Variants in TTC23 observed in about 807,000 individuals in gnomAD.
The protein encoded by TTC23 is tetratricopeptide repeat domain 23.
In TTC23, 58 loss-of-function variants were observed where a neutral mutation model predicts 55.1. The observed-to-expected ratio is 1.05, with a 90% confidence interval of 0.85 to 1.31. The LOEUF is 1.31. Ranked by LOEUF, TTC23 falls within the 50% of genes most tolerant of loss-of-function variation. The pLI is 0.00. For missense variants in TTC23, 516 were observed against 534.4 expected (o/e 0.97, Z 0.34); for synonymous variants, 203 against 199.9 (o/e 1.02, Z -0.13).
chr15:99,203,518 AT>A (rs1351568729), intron 8 of TTC23, among the ~76,000 whole-genome samples: 3 of 152,048 alleles, frequency 2.0e-5, no homozygotes, highest in Non-Finnish European at 4.4e-5. Context: ...ATACAAAAAA[AT>A]ATTGTTAACT....
At chr15:99,199,609 G>A (rs1297322038) in intron 9 of TTC23, among the ~76,000 whole-genome samples, 1 of 151,866 alleles carries the variant, frequency 6.6e-6, no homozygotes, top group Non-Finnish European at 1.5e-5. Flanking sequence ...ACTTTAGAAT[G>A]TAGAAAAAAA....
chr15:99,176,836 T>C (rs1420177240), intron 9 of TTC23, among the ~76,000 whole-genome samples: 1 of 152,076 alleles, frequency 6.6e-6, no homozygotes, highest in Admixed American at 6.5e-5. Flanking sequence ...GAGATAAGAG[T>C]CTGACCCTGA....
chr15:99,234,078 A>C (rs1176203628), intron 4 of TTC23, among the ~76,000 whole-genome samples: 1 of 152,212 alleles, frequency 6.6e-6, no homozygotes, highest in African/African-American at 2.4e-5. Flanking sequence ...TAAAACTATA[A>C]AAACAATGTG....
At chr15:99,232,452 C>G (rs1264944349) in intron 4 of TTC23, among the ~76,000 whole-genome samples, 3 of 149,712 alleles carry the variant, frequency 2.0e-5, no homozygotes, top group African/African-American at 7.4e-5. Flanking sequence ...GCACTCCAGC[C>G]TGGGCGACAC....
chr15:99,200,175 A>G (rs2076084410), intron 8 of TTC23, 79 bp from the exon 9 acceptor site: 8 of 1,297,778 alleles, frequency 6.2e-6, no homozygotes, highest in Non-Finnish European at 7.1e-6. Context: ...GGTAGTTGGG[A>G]TGTGACTCTT....
intron 8 of TTC23, among the ~76,000 whole-genome samples, chr15:99,201,985 T>G (rs2076237824): frequency 1.3e-5 from 2 of 152,132 alleles, no homozygotes. Context: ...CAAACTATGG[T>G]GTGGGGGCCA....
At chr15:99,235,602 C>T (rs1261882477) in intron 3 of TTC23, among the ~76,000 whole-genome samples, 4 of 152,226 alleles carry the variant, frequency 2.6e-5, no homozygotes, top group African/African-American at 9.6e-5. Flanking sequence ...AATCTCCTGA[C>T]CTCGTGATCC....
chr15:99,201,806 G>A (rs150374830), intron 8 of TTC23, among the ~76,000 whole-genome samples: 42 of 152,232 alleles, frequency 2.8e-4, no homozygotes, highest in East Asian at 1.7e-3. Flanking sequence ...TTAGAATGTC[G>A]GGAGTAATCC....
intron 3 of TTC23, among the ~76,000 whole-genome samples, chr15:99,237,178 C>T (rs2079394763): frequency 6.6e-6 from 1 of 151,880 alleles, no homozygotes; most frequent in East Asian, 1.9e-4. Context: ...GACGGGGTTT[C>T]ACCATGTTGG....
At chr15:99,250,144 T>C (rs1309723239), upstream of TTC23, among the ~76,000 whole-genome samples, 1 of 152,232 alleles carries the variant, frequency 6.6e-6, no homozygotes, top group Non-Finnish European at 1.5e-5. Flanking sequence ...CACCGTATCT[T>C]TGTTTTTACA....
chr15:99,159,976 TG>T, intron 11 of TTC23: 1 of 151,946 alleles, frequency 6.6e-6, no homozygotes, highest in Non-Finnish European at 1.5e-5. Context: ...CTAGATGGAG[TG>T]GGGCATGAGG....
At chr15:99,239,315 T>A (rs569717581) in intron 3 of TTC23, among the ~76,000 whole-genome samples, 1 of 151,980 alleles carries the variant, frequency 6.6e-6, no homozygotes, top group South Asian at 2.1e-4. Context: ...TGAAAACCCA[T>A]CTCTACTAAA....
intron 2 of TTC23, among the ~76,000 whole-genome samples, chr15:99,244,153 A>C (rs954169154): frequency 2.0e-5 from 3 of 152,148 alleles, no homozygotes; most frequent in Non-Finnish European, 4.4e-5. Flanking sequence ...CAAAACCAAA[A>C]AATCCTGATT....
intron 3 of TTC23, among the ~76,000 whole-genome samples, chr15:99,240,456 A>G (rs2079681760): frequency 6.6e-6 from 1 of 152,170 alleles, no homozygotes; most frequent in African/African-American, 2.4e-5. Flanking sequence ...TTTCACATGA[A>G]GATGTAGATT....
chr15:99,166,333 C>T (rs748134976), intron 10 of TTC23, among the ~76,000 whole-genome samples: 4 of 152,158 alleles, frequency 2.6e-5, no homozygotes, highest in Admixed American at 1.3e-4. Context: ...CCTCTCAACC[C>T]GAGAATGGCA....
In TTC23 at chr15:99,240,447, T is replaced by C. The variant is rs1451140960; in HGVS notation, c.-114+918A>G. Among the ~76,000 whole-genome samples the C allele has an allele frequency of 5.9e-5, 9 of 152,218 alleles. 1 individual carries two copies. The highest frequency in any genetic ancestry group is 1.5e-5 in the Non-Finnish European group (1 of 68,042). ...GAGCCATCATTTTAAAATTAGGAGT[T>C]TCACATGAAGATGTAGATTTTGGGG... On this transcript the variant is annotated intron_variant, in intron 3 of 13. Coordinates refer to ENST00000394132, the MANE Select transcript of TTC23 (RefSeq NM_001288615.3).
chr15:99,173,575 G>C (rs775519873), intron 10 of TTC23, among the ~76,000 whole-genome samples: 3 of 151,982 alleles, frequency 2.0e-5, no homozygotes, highest in Non-Finnish European at 2.9e-5. Flanking sequence ...GACAGAGTGA[G>C]ACCCTGTCTC....
chr15:99,216,164 G>A (rs1214522820), intron 8 of TTC23, among the ~76,000 whole-genome samples: 2 of 152,128 alleles, frequency 1.3e-5, no homozygotes, highest in African/African-American at 4.8e-5. Flanking sequence ...TCTCATACCT[G>A]CAAACCAAAA....
intron 9 of TTC23, among the ~76,000 whole-genome samples, chr15:99,178,247 T>C (rs1207925979): frequency 6.6e-6 from 1 of 152,202 alleles, no homozygotes. Flanking sequence ...AAAATTTTCA[T>C]GACTTAAACA....
Sources: gnomAD v4.1 joint callset for allele counts (sites outside exome capture counted in the v4.1 genomes callset) on GRCh38, gnomAD v4.1.1 for gene constraint, MANE v1.5 for transcripts, NCBI Gene and HGNC (gene_info 2026-07-23, HGNC 2026-07-21) for gene names.